Variants in LRP1B observed in about 807,000 individuals in gnomAD.
LRP1B encodes the protein low-density lipoprotein receptor-related protein 1B.
A neutral mutation model predicts 556.6 loss-of-function variants in LRP1B; 217 were observed. That is an observed-to-expected ratio of 0.39 (90% CI 0.35 to 0.44). The LOEUF (loss-of-function observed/expected upper bound fraction) is 0.44, where lower values mean the gene tolerates loss of function less well. Ranked by LOEUF, LRP1B falls within the 20% of genes least tolerant of loss-of-function variation. LRP1B has a pLI of 1.00. For synonymous variants in LRP1B, 2,047 were observed against 1,865.8 expected (o/e 1.10, Z -2.50); for missense variants, 5,053 against 5,620.8 (o/e 0.90, Z 3.23).
intron 41 of LRP1B, among the ~76,000 whole-genome samples, chr2:140,644,936 T>C (rs2105307359): frequency 6.6e-6 from 1 of 152,296 alleles, no homozygotes; most frequent in East Asian, 1.9e-4. Context: ...TTTGCATTTT[T>C]TGATTTAAAA....
intron 2 of LRP1B, among the ~76,000 whole-genome samples, chr2:141,559,805 A>G (rs1292811830): frequency 1.3e-5 from 2 of 151,618 alleles, no homozygotes; most frequent in East Asian, 3.9e-4. Flanking sequence ...TGAAAAATAC[A>G]TTTTCCTACT....
intron 3 of LRP1B, among the ~76,000 whole-genome samples, chr2:141,405,877 G>A (rs928893965): frequency 1.3e-5 from 2 of 151,918 alleles, no homozygotes; most frequent in African/African-American, 4.8e-5. Context: ...TATTTAGTAT[G>A]GCTGATGTTA....
chr2:141,254,236 A>G (rs138208823), intron 4 of LRP1B, among the ~76,000 whole-genome samples: 57 of 152,254 alleles, frequency 3.7e-4, no homozygotes, highest in Middle Eastern at 3.4e-3. Context: ...CATACAACAT[A>G]TAGGAAGTTA....
rs1223141894 is a variant in LRP1B, at chr2:141,279,179, C to CA, written c.344-24539dup. On this transcript the variant is annotated intron_variant, in intron 3 of 90. Coordinates refer to ENST00000389484, the MANE Select transcript of LRP1B (RefSeq NM_018557.3). Reference sequence around the variant, plus strand: ...TTATACAAACCATACAGAAACGAAGCAAAAAAAAAGGTTGAAAAGATTAAA... The same window carrying CA: ...TTATACAAACCATACAGAAACGAAGCAAAAAAAAAAGGTTGAAAAGATTAAA... Among the ~76,000 whole-genome samples the CA allele has an allele frequency of 2.4e-3, 355 of 147,174 alleles. 4 individuals are homozygous for CA. The highest frequency in any genetic ancestry group is 7.6e-3 in the African/African-American group (305 of 40,120).
chr2:142,078,009 C>T (rs552550376), intron 1 of LRP1B, among the ~76,000 whole-genome samples: 1 of 152,198 alleles, frequency 6.6e-6, no homozygotes, highest in African/African-American at 2.4e-5. Flanking sequence ...TGGCCTGAAA[C>T]ACCACTTTTT....
intron 1 of LRP1B, among the ~76,000 whole-genome samples, chr2:142,115,988 G>A (rs1381656968): frequency 2.1e-5 from 3 of 143,086 alleles, no homozygotes; most frequent in Non-Finnish European, 3.0e-5. Context: ...AGGCCAAGGC[G>A]GGTGAATCAT....
chr2:140,668,556 G>A (rs530184903), intron 41 of LRP1B, among the ~76,000 whole-genome samples: 1 of 152,114 alleles, frequency 6.6e-6, no homozygotes, highest in South Asian at 2.1e-4. Flanking sequence ...TTTTACAAGT[G>A]TAAACTGTTT....
At chr2:141,856,910 AG>A (rs1698070431) in intron 1 of LRP1B, among the ~76,000 whole-genome samples, 1 of 149,280 alleles carries the variant, frequency 6.7e-6, no homozygotes, top group African/African-American at 2.6e-5. Flanking sequence ...TTACTATTAC[AG>A]GAAAAAAAAA....
At chr2:141,830,386 T>A (rs1450340229) in intron 1 of LRP1B, among the ~76,000 whole-genome samples, 1 of 151,846 alleles carries the variant, frequency 6.6e-6, no homozygotes, top group Non-Finnish European at 1.5e-5. Context: ...TTGAGAAACC[T>A]AAAAGTAAAT....
chr2:141,136,675 G>A, intron 7 of LRP1B, among the ~76,000 whole-genome samples: 1 of 150,754 alleles, frequency 6.6e-6, no homozygotes, highest in Middle Eastern at 3.4e-3. Context: ...AATTAATTAG[G>A]AAAAAGGTAC....
At chr2:140,799,416 G>C (rs954619157) in intron 32 of LRP1B, among the ~76,000 whole-genome samples, 4 of 152,138 alleles carry the variant, frequency 2.6e-5, no homozygotes, top group African/African-American at 9.7e-5. Flanking sequence ...AAATTCACCT[G>C]CACCTTGACT....
intron 35 of LRP1B, among the ~76,000 whole-genome samples, chr2:140,727,847 A>G (rs2105490103): frequency 6.6e-6 from 1 of 152,332 alleles, no homozygotes; most frequent in Middle Eastern, 3.4e-3. Flanking sequence ...CCATATTAAA[A>G]GGGATTCAAT....
In LRP1B at chr2:141,343,178, C is replaced by T. The variant is rs80141575; in HGVS notation, c.344-88537G>A. Among the ~76,000 whole-genome samples, 575 of 152,234 alleles carry T rather than the reference C, an allele frequency of 3.8e-3. 3 individuals carry two copies. Among genetic ancestry groups the T allele is most frequent in the African/African-American group, 0.013 (546 of 41,548 alleles). On this transcript the variant is annotated intron_variant, in intron 3 of 90. Coordinates refer to ENST00000389484, the MANE Select transcript of LRP1B (RefSeq NM_018557.3). ...TAATCTTCTATTCCAAATGTATAAT[C>T]GTCCATTATTCCCATGTAGTGGAGT...
At chr2:140,993,463 G>A (rs985058219) in intron 16 of LRP1B, among the ~76,000 whole-genome samples, 2 of 151,946 alleles carry the variant, frequency 1.3e-5, no homozygotes, top group Non-Finnish European at 2.9e-5. Flanking sequence ...GCCAAAGAGG[G>A]GAAAGTCAAA....
At chr2:141,416,868 G>A (rs1410829525) in intron 3 of LRP1B, among the ~76,000 whole-genome samples, 1 of 152,116 alleles carries the variant, frequency 6.6e-6, no homozygotes, top group Non-Finnish European at 1.5e-5. Flanking sequence ...TTCAAGGATA[G>A]GAACACTACT....
At chr2:141,793,627 T>C (rs1434624653) in intron 2 of LRP1B, among the ~76,000 whole-genome samples, 2 of 151,958 alleles carry the variant, frequency 1.3e-5, no homozygotes, top group South Asian at 4.1e-4. Flanking sequence ...GAATAGCATA[T>C]GAAAACTCTT....
intron 41 of LRP1B, among the ~76,000 whole-genome samples, chr2:140,675,981 G>C (rs952654478): frequency 6.6e-6 from 1 of 151,940 alleles, no homozygotes; most frequent in South Asian, 2.1e-4. Flanking sequence ...AAAAAATACA[G>C]AGAAGCTGAT....
At chr2:140,324,692 C>G (rs536486363) in intron 80 of LRP1B, among the ~76,000 whole-genome samples, 1 of 151,776 alleles carries the variant, frequency 6.6e-6, no homozygotes, top group Admixed American at 6.6e-5. Flanking sequence ...ATTATTCTAA[C>G]TTTTGAAACT....
At chr2:140,388,764 AG>A (rs1245863088) in intron 66 of LRP1B, among the ~76,000 whole-genome samples, 1 of 152,210 alleles carries the variant, frequency 6.6e-6, no homozygotes, top group Non-Finnish European at 1.5e-5. Context: ...TGTATGAGTA[AG>A]GCCTAAAACA....
Sources: allele counts gnomAD v4.1 joint callset (sites outside exome capture counted in the v4.1 genomes callset), GRCh38; gene constraint gnomAD v4.1.1; transcripts MANE v1.5; gene names NCBI Gene and HGNC (gene_info 2026-07-23, HGNC 2026-07-21).